NFIB: variants seen among roughly 807,000 people sequenced by gnomAD.
NFIB encodes nuclear factor I B.
Under a neutral mutation model 61.5 loss-of-function variants are expected in NFIB, and 11 were observed. The ratio of observed to expected loss-of-function variants is 0.18; its 90% CI spans 0.11 to 0.30. The LOEUF (loss-of-function observed/expected upper bound fraction) is 0.30. NFIB is among the 10% of genes least tolerant of loss of function. The pLI is 1.00. For missense variants in NFIB, 471 were observed against 608.9 expected (o/e 0.77, Z 2.38); for synonymous variants, 260 against 216.5 (o/e 1.20, Z -1.76).
the NFIB span, among the ~76,000 whole-genome samples, chr9:14,496,398 C>T: frequency 1.3e-5 from 2 of 152,120 alleles, no homozygotes; most frequent in Non-Finnish European, 2.9e-5. Flanking sequence ...GTGGAATTTT[C>T]CACTTGTGGC....
chr9:14,230,578 G>A (rs2053001147), intron 2 of NFIB, among the ~76,000 whole-genome samples: 2 of 152,080 alleles, frequency 1.3e-5, no homozygotes, highest in African/African-American at 4.8e-5. Flanking sequence ...CACATAGTAC[G>A]CACTTAACTA....
At chr9:14,343,337 G>A (rs1472477140) in intron 1 of NFIB, among the ~76,000 whole-genome samples, 1 of 152,150 alleles carries the variant, frequency 6.6e-6, no homozygotes, top group East Asian at 1.9e-4. Context: ...GTGGAAATGG[G>A]CTGGGGCGGG....
Position 14,152,390 on chromosome 9 carries a change from G to A in NFIB, c.686-2125C>T, listed in dbSNP as rs549563137. ...TGAGGTAAGAAATCCCACAGTAACC[G>A]CATGTTTTATAATTTATTATTAGAA... On this transcript the variant is annotated intron_variant, in intron 4 of 10. Coordinates refer to ENST00000380953, the MANE Select transcript of NFIB (RefSeq NM_001190737.2). 1.7e-4 allele frequency among the ~76,000 whole-genome samples: 26 copies of A among 152,158 alleles called. No individual in the cohort carries two copies. In the East Asian group the frequency reaches 2.7e-3, roughly 16 times the overall value.
intron 4 of NFIB, among the ~76,000 whole-genome samples, chr9:14,155,400 G>A (rs529653263): frequency 1.3e-5 from 2 of 152,264 alleles, no homozygotes; most frequent in South Asian, 2.1e-4. Context: ...CACTCTGCAC[G>A]TTAGTGTGTA....
intron 2 of NFIB, among the ~76,000 whole-genome samples, chr9:14,233,369 A>G (rs1248826197): frequency 6.6e-6 from 1 of 151,846 alleles, no homozygotes; most frequent in Non-Finnish European, 1.5e-5. Context: ...ATTTAACCAT[A>G]AAGAGCTTTG....
intron 2 of NFIB, among the ~76,000 whole-genome samples, chr9:14,238,751 A>T (rs1323149418): frequency 6.6e-6 from 1 of 152,124 alleles, no homozygotes; most frequent in Non-Finnish European, 1.5e-5. Context: ...TTTGGGAGTG[A>T]GTGTCTATTC....
At chr9:14,122,162 A>T (rs1435317021) in intron 7 of NFIB, among the ~76,000 whole-genome samples, 1 of 120,294 alleles carries the variant, frequency 8.3e-6, no homozygotes, top group Non-Finnish European at 1.6e-5. Context: ...ATTTATTTCC[A>T]ACTTTGAAAC....
intron 3 of NFIB, among the ~76,000 whole-genome samples, chr9:14,168,714 T>C (rs553980744): frequency 2.0e-5 from 3 of 152,322 alleles, no homozygotes; most frequent in Middle Eastern, 3.4e-3. Context: ...TAGGAAATGA[T>C]TAAAATGATC....
chr9:14,250,664 A>G (rs2055494581), intron 2 of NFIB, among the ~76,000 whole-genome samples: 1 of 152,232 alleles, frequency 6.6e-6, no homozygotes, highest in Non-Finnish European at 1.5e-5. Flanking sequence ...GTTTAAAGCA[A>G]CATTAAACAT....
chr9:14,328,113 T>C (rs2060776646), intron 1 of NFIB, among the ~76,000 whole-genome samples: 1 of 152,210 alleles, frequency 6.6e-6, no homozygotes, highest in African/African-American at 2.4e-5. Flanking sequence ...TCTGCTTTTT[T>C]CTCTTCATAT....
At chr9:14,492,802 G>A in the NFIB span, among the ~76,000 whole-genome samples, 9 of 152,146 alleles carry the variant, frequency 5.9e-5, no homozygotes, top group Non-Finnish European at 1.3e-4. Context: ...GGCCTTGCTA[G>A]GTCCCTTTTA....
intron 1 of NFIB, among the ~76,000 whole-genome samples, chr9:14,371,554 A>G (rs1250538418): frequency 6.6e-6 from 1 of 152,192 alleles, no homozygotes; most frequent in Non-Finnish European, 1.5e-5. Context: ...AAGGTTGCAA[A>G]TTGGGAACAC....
intron 2 of NFIB, among the ~76,000 whole-genome samples, chr9:14,259,024 G>T (rs1244610419): frequency 6.6e-6 from 1 of 152,130 alleles, no homozygotes; most frequent in South Asian, 2.1e-4. Flanking sequence ...GGGAGTGGGG[G>T]AGTGGTATAA....
rs181217671 is a variant in NFIB at position 14,291,278 on chromosome 9, T to G, written c.562+15711A>C. Among the ~76,000 whole-genome samples, 30 of 152,078 alleles carry G rather than the reference T, an allele frequency of 2.0e-4. 1 individual carries two copies. The East Asian group carries it at 3.5e-3, about 18-fold the overall frequency. On this transcript the variant is annotated intron_variant, in intron 2 of 10. Coordinates refer to ENST00000380953, the MANE Select transcript of NFIB (RefSeq NM_001190737.2). Reference sequence around the variant, plus strand: ...GGTGGGTGGATCACTCGAGGTCAGGTGTTCACAACCAGCCTGGCCAACACG... The same window carrying G: ...GGTGGGTGGATCACTCGAGGTCAGGGGTTCACAACCAGCCTGGCCAACACG...
At chr9:14,216,127 C>T (rs1288183055) in intron 2 of NFIB, among the ~76,000 whole-genome samples, 2 of 152,158 alleles carry the variant, frequency 1.3e-5, no homozygotes, top group Non-Finnish European at 2.9e-5. Flanking sequence ...ATCTTCATAA[C>T]AAAAGATAGG....
the NFIB span, among the ~76,000 whole-genome samples, chr9:14,412,620 G>C: frequency 6.6e-6 from 1 of 152,152 alleles, no homozygotes; most frequent in African/African-American, 2.4e-5. Context: ...ATGTGATCTG[G>C]AATGTGGGGC....
chr9:14,417,774 G>GTTTTTTTTTTTTTTTTTTTTTTTTTTTTT, the NFIB span, among the ~76,000 whole-genome samples: 2 of 91,784 alleles, frequency 2.2e-5, no homozygotes, highest in Non-Finnish European at 2.1e-5. Context: ...CCTAGGAACA[G>GTTTTTTTTTTTTTTTTTTTTTTTTTTTTT]TTTTTTTTTT....
chr9:14,422,860 G>A, the NFIB span, among the ~76,000 whole-genome samples: 1 of 152,202 alleles, frequency 6.6e-6, no homozygotes, highest in Non-Finnish European at 1.5e-5. Context: ...GGAAGGGTCA[G>A]GAGGATGCTG....
At chr9:14,228,409 T>C (rs993173643) in intron 2 of NFIB, among the ~76,000 whole-genome samples, 1 of 152,082 alleles carries the variant, frequency 6.6e-6, no homozygotes, top group East Asian at 1.9e-4. Flanking sequence ...TTGGCCAGGC[T>C]GGTCTCGAAC....
Sources: allele counts gnomAD v4.1 joint callset (sites outside exome capture counted in the v4.1 genomes callset), GRCh38; gene constraint gnomAD v4.1.1; transcripts MANE v1.5; gene names NCBI Gene and HGNC (gene_info 2026-07-23, HGNC 2026-07-21).